Variants in CTNNA1 observed in about 807,000 individuals in gnomAD.
The protein encoded by CTNNA1 is catenin alpha 1.
A neutral mutation model predicts 98.4 loss-of-function variants in CTNNA1; 37 were observed. That is an observed-to-expected ratio of 0.38 (90% CI 0.29 to 0.49). CTNNA1 has a LOEUF of 0.49. Ranked by LOEUF, CTNNA1 falls within the 20% of genes least tolerant of loss-of-function variation. CTNNA1 has a pLI of 0.95. For missense variants in CTNNA1, 761 were observed against 1,147.2 expected (o/e 0.66, Z 4.86); for synonymous variants, 404 against 413.2 (o/e 0.98, Z 0.27).
chr5:138,874,146 C>G lies in CTNNA1; in HGVS notation c.1063-12066C>G, dbSNP rs1334023488. 6.2e-7 allele frequency: 1 copy of G among 1,613,588 alleles called. No homozygotes were observed. The highest frequency in any genetic ancestry group is 1.7e-5 in the Admixed American group (1 of 59,928). On this transcript the variant is annotated intron_variant, in intron 7 of 17. Coordinates refer to ENST00000302763, the MANE Select transcript of CTNNA1 (RefSeq NM_001903.5). The surrounding 1 kb of genome is among the most constrained non-coding windows in gnomAD (Gnocchi z 4.1). ...GATGACAGCTGATTAAAAGACAGGT[C>G]CAAATTTTGCAGGTTAATCAGTTGG... is the stretch of plus-strand genomic sequence containing the variant.
intron 14 of CTNNA1, 128 bp from the exon 15 acceptor site, chr5:138,930,345 G>A (rs1765041034): frequency 1.0e-5 from 7 of 682,746 alleles, no homozygotes; most frequent in South Asian, 4.4e-5. Context: ...CCCTTCAGGC[G>A]AAATGAAACC....
chr5:138,881,230 A>G (rs1165304564), intron 7 of CTNNA1: 5 of 401,868 alleles, frequency 1.2e-5, no homozygotes, highest in Admixed American at 8.6e-5. Context: ...TAATTTAAGA[A>G]GAGGGCATTC....
chr5:138,800,842 C>T (rs1383121423), intron 3 of CTNNA1, among the ~76,000 whole-genome samples: 2 of 152,052 alleles, frequency 1.3e-5, no homozygotes, highest in African/African-American at 2.4e-5. Context: ...CACGGTGGCT[C>T]ATGCCTGCAA....
chr5:138,812,003 C>G, intron 4 of CTNNA1, 180 bp from the exon 5 acceptor site: 1 of 534,492 alleles, frequency 1.9e-6, no homozygotes, highest in East Asian at 3.3e-5. Context: ...GTGTTTTTCC[C>G]ACTATGAAGC....
chr5:138,905,818 T>C (rs900361953), intron 10 of CTNNA1, among the ~76,000 whole-genome samples: 1 of 152,142 alleles, frequency 6.6e-6, no homozygotes, highest in Non-Finnish European at 1.5e-5. Flanking sequence ...GTAGAAGAGG[T>C]TTCCTCTCCA....
chr5:138,931,186 C>G, intron 16 of CTNNA1: 1 of 459,708 alleles, frequency 2.2e-6, no homozygotes, highest in South Asian at 2.4e-5. Flanking sequence ...TCCCTCTCTC[C>G]CCCTCTGGGC....
intron 7 of CTNNA1, among the ~76,000 whole-genome samples, chr5:138,867,209 T>C (rs1764869602): frequency 6.6e-6 from 1 of 152,248 alleles, no homozygotes. Flanking sequence ...AATTGTGTTC[T>C]CTGTTTCCTG....
chr5:138,770,095 A>C (rs1044960250), intron 1 of CTNNA1, among the ~76,000 whole-genome samples: 5 of 152,178 alleles, frequency 3.3e-5, no homozygotes, highest in Non-Finnish European at 5.9e-5. Flanking sequence ...TTGGCTTCCC[A>C]AAGTGCTGGG....
intron 1 of CTNNA1, among the ~76,000 whole-genome samples, chr5:138,780,441 C>A (rs1331923839): frequency 6.6e-6 from 1 of 152,002 alleles, no homozygotes; most frequent in Admixed American, 6.6e-5. Flanking sequence ...GATCTGCCCG[C>A]CTCAGCCTCC....
chr5:138,863,297 G>A (rs1236553902), intron 7 of CTNNA1, among the ~76,000 whole-genome samples: 1 of 152,066 alleles, frequency 6.6e-6, no homozygotes, highest in Non-Finnish European at 1.5e-5. Context: ...GGGTAGTGGT[G>A]TGATCACGGC....
At chr5:138,892,366 G>T (rs1755629210) in intron 9 of CTNNA1, among the ~76,000 whole-genome samples, 1 of 109,874 alleles carries the variant, frequency 9.1e-6, no homozygotes, top group Admixed American at 1.2e-4. Flanking sequence ...TTGAGACAGA[G>T]TCTTGCTCTG....
intron 7 of CTNNA1, among the ~76,000 whole-genome samples, chr5:138,864,703 C>T (rs1764578027): frequency 6.6e-6 from 1 of 152,190 alleles, no homozygotes; most frequent in East Asian, 1.9e-4. Context: ...CGATTGCTCT[C>T]ACTTGTATAA....
intron 3 of CTNNA1, among the ~76,000 whole-genome samples, chr5:138,805,339 T>C (rs1417832790): frequency 6.6e-6 from 1 of 152,216 alleles, no homozygotes; most frequent in African/African-American, 2.4e-5. Context: ...TGCCAGACTG[T>C]CTTCCAAAGT....
intron 7 of CTNNA1, among the ~76,000 whole-genome samples, chr5:138,854,224 C>G (rs1763511882): frequency 6.6e-6 from 1 of 152,172 alleles, no homozygotes; most frequent in African/African-American, 2.4e-5. Context: ...TTTCTGAATG[C>G]AAGCACTGAA....
At chr5:138,866,055 A>T (rs1057144869) in intron 7 of CTNNA1, among the ~76,000 whole-genome samples, 3 of 152,204 alleles carry the variant, frequency 2.0e-5, no homozygotes, top group Non-Finnish European at 1.5e-5. Context: ...GAACGCCTGT[A>T]ATCCCAACTC....
At chr5:138,907,519 C>A (rs1158585171) in intron 10 of CTNNA1, among the ~76,000 whole-genome samples, 1 of 152,140 alleles carries the variant, frequency 6.6e-6, no homozygotes, top group African/African-American at 2.4e-5. Flanking sequence ...GAAGGGCTGT[C>A]CCTCGGAGGA....
At chr5:138,757,622 A>G (rs890975154) in intron 1 of CTNNA1, among the ~76,000 whole-genome samples, 2 of 152,126 alleles carry the variant, frequency 1.3e-5, no homozygotes, top group African/African-American at 4.8e-5. Context: ...ATTTTTTAGC[A>G]CTGGGTGGTG....
intron 10 of CTNNA1, among the ~76,000 whole-genome samples, chr5:138,914,838 A>G (rs1035952390): frequency 6.6e-6 from 1 of 152,030 alleles, no homozygotes; most frequent in African/African-American, 2.4e-5. Flanking sequence ...TTCCTTCCCA[A>G]GTTGCATGAT....
chr5:138,823,847 C>G (rs987345579), intron 5 of CTNNA1, among the ~76,000 whole-genome samples: 1 of 146,752 alleles, frequency 6.8e-6, no homozygotes, highest in Non-Finnish European at 1.5e-5. Context: ...GTCCCAGCTA[C>G]TTGGGAGGCT....
Sources: allele counts gnomAD v4.1 joint callset (sites outside exome capture counted in the v4.1 genomes callset), GRCh38; gene constraint gnomAD v4.1.1; non-coding constraint Gnocchi (gnomAD v3.1); transcripts MANE v1.5; gene names NCBI Gene and HGNC (gene_info 2026-07-23, HGNC 2026-07-21).